The following PCDH11X variants were observed in gnomAD, a reference collection of about 807,000 sequenced individuals.
PCDH11X encodes protocadherin 11 X-linked.
Under a neutral mutation model 53.3 loss-of-function variants are expected in PCDH11X, and 18 were observed. The observed-to-expected ratio is 0.34, with a 90% CI of 0.23 to 0.50. The LOEUF is 0.50. Among genes scored for constraint, PCDH11X ranks in the 20% least tolerant of loss-of-function variants. The probability of loss-of-function intolerance (pLI) is 0.98; values close to 1 mark genes in which losing one functional copy is unlikely to be tolerated. For synonymous variants in PCDH11X, 279 were observed against 393.3 expected (o/e 0.71, Z 3.44); for missense variants, 570 against 1,032.4 (o/e 0.55, Z 6.14).
intron 10 of PCDH11X, among the ~76,000 whole-genome samples, chrX:92,613,823 A>G (rs949593930): frequency 9.1e-6 from 1 of 109,919 alleles, no homozygotes; most frequent in African/African-American, 3.3e-5. Flanking sequence ...ATTCCTCAAA[A>G]ACATTGCTTA....
intron 6 of PCDH11X, among the ~76,000 whole-genome samples, chrX:92,032,316 T>G (rs2063064027): frequency 9.0e-6 from 1 of 111,709 alleles, no homozygotes; most frequent in African/African-American, 3.3e-5. Flanking sequence ...CTACTGATTT[T>G]TCCATGTTTA....
At chrX:92,569,874 T>C (rs1921980772) in intron 10 of PCDH11X, 1 of 124,349 alleles carries the variant, frequency 8.0e-6, no homozygotes, top group African/African-American at 3.4e-5. Flanking sequence ...AAATTAGCCA[T>C]GTGTGGTAGT....
At chrX:91,801,193 A>G in intron 1 of PCDH11X, among the ~76,000 whole-genome samples, 1 of 102,919 alleles carries the variant, frequency 9.7e-6, no homozygotes. Context: ...AAAAAAAAAA[A>G]AAAAAGAGTT....
At chrX:92,366,098 G>T (rs764146602) in intron 8 of PCDH11X, among the ~76,000 whole-genome samples, 3 of 110,177 alleles carry the variant, frequency 2.7e-5, no homozygotes, top group African/African-American at 9.9e-5. Context: ...ATTCGGCTAT[G>T]AATCCATCTG....
chrX:92,184,351 A>G (rs1219050790), intron 6 of PCDH11X, among the ~76,000 whole-genome samples: 1 of 112,386 alleles, frequency 8.9e-6, no homozygotes, highest in Non-Finnish European at 1.9e-5. Flanking sequence ...TAAAATGGAA[A>G]GACATCTTAT....
intron 7 of PCDH11X, among the ~76,000 whole-genome samples, chrX:92,230,522 A>G (rs1424530690): frequency 2.1e-5 from 2 of 94,184 alleles, no homozygotes; most frequent in Middle Eastern, 5.1e-3. Context: ...TATAATATAT[A>G]TAAAATACAT....
chrX:91,804,976 C>G (rs1161669814), intron 1 of PCDH11X, among the ~76,000 whole-genome samples: 2 of 100,838 alleles, frequency 2.0e-5, no homozygotes, highest in Non-Finnish European at 4.0e-5. Flanking sequence ...TTTATGATAA[C>G]TGAAGTGACA....
intron 6 of PCDH11X, among the ~76,000 whole-genome samples, chrX:92,143,921 C>T (rs1381364544): frequency 9.0e-6 from 1 of 111,723 alleles, no homozygotes; most frequent in Non-Finnish European, 1.9e-5. Context: ...TGCCCAAGAC[C>T]ATGGGAACCC....
At chrX:92,537,927 C>A (rs1414337939) in intron 10 of PCDH11X, among the ~76,000 whole-genome samples, 4 of 106,991 alleles carry the variant, frequency 3.7e-5, no homozygotes, top group Non-Finnish European at 7.7e-5. Context: ...AATATAAAAT[C>A]ATATCATCTG....
At chrX:91,964,385 T>A (rs1186196683) in intron 6 of PCDH11X, among the ~76,000 whole-genome samples, 1 of 111,031 alleles carries the variant, frequency 9.0e-6, no homozygotes, top group Admixed American at 9.5e-5. Context: ...TTAGCAGGTC[T>A]ATTATATAGT....
At chrX:92,408,628 G>C (rs1475358271) in intron 9 of PCDH11X, among the ~76,000 whole-genome samples, 1 of 110,432 alleles carries the variant, frequency 9.1e-6, no homozygotes, top group Non-Finnish European at 1.9e-5. Flanking sequence ...GCTCAGGCTG[G>C]AGTGCAGTGG....
chrX:92,011,443 C>G (rs1433636367), intron 6 of PCDH11X, among the ~76,000 whole-genome samples: 1 of 111,991 alleles, frequency 8.9e-6, no homozygotes, highest in Non-Finnish European at 1.9e-5. Flanking sequence ...ATCCAAGTGC[C>G]CCAGTTTCAT....
intron 6 of PCDH11X, among the ~76,000 whole-genome samples, chrX:92,060,906 C>G (rs1412653071): frequency 1.8e-5 from 2 of 111,930 alleles, no homozygotes; most frequent in African/African-American, 3.2e-5. Flanking sequence ...AATCGCCAAA[C>G]CACTTTCCAA....
At chrX:92,010,240 G>T (rs2062667200) in intron 6 of PCDH11X, among the ~76,000 whole-genome samples, 1 of 109,129 alleles carries the variant, frequency 9.2e-6, no homozygotes, top group Non-Finnish European at 1.9e-5. Flanking sequence ...ACAATGCAAA[G>T]AAAAAGAAAT....
intron 9 of PCDH11X, among the ~76,000 whole-genome samples, chrX:92,430,024 G>A (rs906862001): frequency 9.2e-6 from 1 of 108,813 alleles, no homozygotes; most frequent in Non-Finnish European, 1.9e-5. Flanking sequence ...TACTTTCCCA[G>A]GGTTAAAATT....
At chrX:92,393,134 G>A (rs56060531) in intron 9 of PCDH11X, among the ~76,000 whole-genome samples, 1 of 110,360 alleles carries the variant, frequency 9.1e-6, no homozygotes, top group African/African-American at 3.3e-5. Context: ...AAAGAAAAGT[G>A]AATGCATCAT....
intron 8 of PCDH11X, among the ~76,000 whole-genome samples, chrX:92,369,254 G>A (rs1348896675): frequency 3.7e-5 from 4 of 109,178 alleles, no homozygotes; most frequent in East Asian, 2.9e-4. Context: ...GGCCACAGCC[G>A]CTTTGCTGCA....
intron 8 of PCDH11X, among the ~76,000 whole-genome samples, chrX:92,298,787 G>C (rs757428300): frequency 1.1e-3 from 118 of 110,956 alleles, no homozygotes; most frequent in Non-Finnish European, 1.6e-3. Context: ...GATGAACTAG[G>C]GGGGAAGAGA....
intron 6 of PCDH11X, among the ~76,000 whole-genome samples, chrX:91,919,832 T>C (rs1655158612): frequency 1.8e-5 from 2 of 111,974 alleles, no homozygotes; most frequent in Admixed American, 1.9e-4. Context: ...TTTTATGAGT[T>C]AAAAGAACAA....
Sources: allele counts gnomAD v4.1 joint callset (sites outside exome capture counted in the v4.1 genomes callset), GRCh38; gene constraint gnomAD v4.1.1; transcripts MANE v1.5; gene names NCBI Gene and HGNC (gene_info 2026-07-23, HGNC 2026-07-21).